The following WWTR1 variants were observed in gnomAD, a reference collection of about 807,000 sequenced individuals.
The protein encoded by WWTR1 is WW domain-containing transcription regulator protein 1.
Under a neutral mutation model 40.1 loss-of-function variants are expected in WWTR1, and 13 were observed. The observed-to-expected ratio is 0.32, with a 90% CI of 0.21 to 0.52. WWTR1 has a LOEUF of 0.52. Ranked by LOEUF, WWTR1 falls within the 20% of genes least tolerant of loss-of-function variation. The probability of loss-of-function intolerance (pLI) is 0.97; values close to 1 mark genes in which losing one functional copy is unlikely to be tolerated. For missense variants in WWTR1, 436 were observed against 523.1 expected (o/e 0.83, Z 1.63); for synonymous variants, 230 against 210.1 (o/e 1.09, Z -0.82).
intron 4 of WWTR1, chr3:149,541,047 T>C: frequency 2.2e-6 from 1 of 456,512 alleles, no homozygotes; most frequent in South Asian, 1.6e-5. Context: ...TCCAAGAAAG[T>C]TCTCTGGAAT....
chr3:149,674,185 A>C (rs920182546), intron 1 of WWTR1, among the ~76,000 whole-genome samples: 1 of 151,912 alleles, frequency 6.6e-6, no homozygotes, highest in African/African-American at 2.4e-5. Context: ...ATGCCACTGC[A>C]CTTGAGCCTG....
intron 5 of WWTR1, among the ~76,000 whole-genome samples, chr3:149,713,620 C>T (rs1715527216): frequency 1.3e-5 from 2 of 152,118 alleles, no homozygotes; most frequent in African/African-American, 4.8e-5. Flanking sequence ...ACCTCAGGTG[C>T]TCCACCCGCC....
At chr3:149,554,620 A>G (rs1311470706) in intron 3 of WWTR1, among the ~76,000 whole-genome samples, 4 of 152,138 alleles carry the variant, frequency 2.6e-5, no homozygotes, top group Admixed American at 2.6e-4. Flanking sequence ...ATTAGTTCTC[A>G]TCATTATAAT....
chr3:149,634,481 A>AT (rs1481043398), intron 2 of WWTR1, among the ~76,000 whole-genome samples: 1 of 152,114 alleles, frequency 6.6e-6, no homozygotes, highest in Non-Finnish European at 1.5e-5. Flanking sequence ...TTTTTCACTC[A>AT]TTTTTTCCCG....
intron 2 of WWTR1, among the ~76,000 whole-genome samples, chr3:149,665,486 A>ATGTGCTGG (rs1713780512): frequency 6.6e-6 from 1 of 152,018 alleles, no homozygotes; most frequent in Non-Finnish European, 1.5e-5. Flanking sequence ...CAGCCTCCCA[A>ATGTGCTGG]AGTGCTGGGA....
intron 2 of WWTR1, among the ~76,000 whole-genome samples, chr3:149,640,959 G>C (rs368945742): frequency 6.6e-6 from 1 of 152,042 alleles, no homozygotes; most frequent in Non-Finnish European, 1.5e-5. Flanking sequence ...ATTATTTTAC[G>C]TATCAAGTCA....
intron 2 of WWTR1, among the ~76,000 whole-genome samples, chr3:149,587,824 G>A: frequency 6.6e-6 from 1 of 152,110 alleles, no homozygotes; most frequent in East Asian, 1.9e-4. Context: ...AAGAAAAAAT[G>A]CAGCTTCAGA....
chr3:149,680,992 T>C (rs1714444142), intron 1 of WWTR1, among the ~76,000 whole-genome samples: 2 of 152,364 alleles, frequency 1.3e-5, no homozygotes, highest in African/African-American at 2.4e-5. Context: ...TATCAAACAA[T>C]GCTGCAAAGA....
intron 2 of WWTR1, among the ~76,000 whole-genome samples, chr3:149,612,336 G>A (rs1172553193): frequency 4.0e-5 from 6 of 150,270 alleles, no homozygotes; most frequent in Non-Finnish European, 5.9e-5. Context: ...TTGGGTAAAC[G>A]TTCTCACAGA....
chr3:149,645,583 A>G (rs1712470463), intron 2 of WWTR1, among the ~76,000 whole-genome samples: 1 of 152,256 alleles, frequency 6.6e-6, no homozygotes, highest in Non-Finnish European at 1.5e-5. Context: ...AAATGAAGTC[A>G]GTAAAAGTTA....
At chr3:149,616,501 G>A (rs1310855895) in intron 2 of WWTR1, among the ~76,000 whole-genome samples, 1 of 151,372 alleles carries the variant, frequency 6.6e-6, no homozygotes, top group East Asian at 1.9e-4. Context: ...GGAGTGCAAT[G>A]GCATGATCTC....
intron 5 of WWTR1, 72 bp from the exon 6 acceptor site, chr3:149,526,197 A>G (rs1735300532): frequency 2.5e-6 from 3 of 1,221,860 alleles, no homozygotes; most frequent in African/African-American, 1.5e-5. Context: ...ACACAGTCAC[A>G]AAAGCTCTAA....
intron 2 of WWTR1, among the ~76,000 whole-genome samples, chr3:149,632,511 G>A (rs549952319): frequency 2.0e-4 from 30 of 152,206 alleles, no homozygotes; most frequent in African/African-American, 6.7e-4. Context: ...TCCACACAAC[G>A]CAAACAAAGC....
chr3:149,614,825 A>G (rs975535186), intron 2 of WWTR1, among the ~76,000 whole-genome samples: 23 of 152,112 alleles, frequency 1.5e-4, no homozygotes, highest in African/African-American at 5.6e-4. Context: ...TCTACTAATA[A>G]TACAAAAATT....
intron 1 of WWTR1, among the ~76,000 whole-genome samples, chr3:149,688,027 AAAAG>A (rs1714706692): frequency 6.6e-6 from 1 of 151,536 alleles, no homozygotes; most frequent in African/African-American, 2.4e-5. Context: ...CTGCTTGAGG[AAAAG>A]AGAGACTTCT....
intron 5 of WWTR1, among the ~76,000 whole-genome samples, chr3:149,714,246 C>A (rs895619302): frequency 6.6e-6 from 1 of 152,190 alleles, no homozygotes; most frequent in Non-Finnish European, 1.5e-5. Flanking sequence ...TGGACCCCTG[C>A]CTCCCTGTGC....
chr3:149,610,028 G>A (rs1471090454), intron 2 of WWTR1, among the ~76,000 whole-genome samples: 1 of 152,166 alleles, frequency 6.6e-6, no homozygotes, highest in African/African-American at 2.4e-5. Context: ...GGCTCAGGCA[G>A]AAGAAAAGTA....
At chr3:149,639,988 C>T (rs1444197424) in intron 2 of WWTR1, among the ~76,000 whole-genome samples, 39 of 97,634 alleles carry the variant, frequency 4.0e-4, no homozygotes, top group African/African-American at 1.4e-3. Flanking sequence ...AGCGAGACTC[C>T]GTCTCAAAAA....
intron 2 of WWTR1, among the ~76,000 whole-genome samples, chr3:149,629,509 C>A (rs1711501013): frequency 6.6e-6 from 1 of 152,210 alleles, no homozygotes; most frequent in Non-Finnish European, 1.5e-5. Flanking sequence ...TTTCTCCAAC[C>A]TCACTCCTAT....
Sources: allele counts gnomAD v4.1 joint callset (sites outside exome capture counted in the v4.1 genomes callset), GRCh38; gene constraint gnomAD v4.1.1; transcripts MANE v1.5; gene names NCBI Gene and HGNC (gene_info 2026-07-23, HGNC 2026-07-21).